The following STAG2 variants were observed in gnomAD, a reference collection of about 807,000 sequenced individuals.
STAG2 encodes the protein cohesin subunit SA-2.
A neutral mutation model predicts 108.1 loss-of-function variants in STAG2; 14 were observed. The observed-to-expected ratio is 0.13, with a 90% CI of 0.09 to 0.20. STAG2 has a LOEUF of 0.20. STAG2 is among the 10% of genes least tolerant of loss of function. STAG2 has a pLI of 1.00. For missense variants in STAG2, 440 were observed against 940.9 expected (o/e 0.47, Z 6.96); for synonymous variants, 307 against 302.7 (o/e 1.01, Z -0.15).
chrX:124,028,824 T>TA (rs1569507053), intron 4 of STAG2, among the ~76,000 whole-genome samples: 197 of 65,646 alleles, frequency 3.0e-3, no homozygotes, highest in South Asian at 0.011. Flanking sequence ...ATATATATAT[T>TA]TTTTTTTTTA....
chrX:124,059,807 C>T (rs887030270), intron 15 of STAG2, among the ~76,000 whole-genome samples: 4 of 110,831 alleles, frequency 3.6e-5, no homozygotes, highest in Non-Finnish European at 5.7e-5. Context: ...ACTACAACTT[C>T]GTGCCACCAC....
At chrX:124,069,162 C>T (rs1021851665) in intron 24 of STAG2, among the ~76,000 whole-genome samples, 1 of 112,002 alleles carries the variant, frequency 8.9e-6, no homozygotes, top group Non-Finnish European at 1.9e-5. Context: ...GCTTCCATTA[C>T]TTCTAACCTT....
At chrX:124,029,007 A>ATT (rs1240569221) in intron 4 of STAG2, among the ~76,000 whole-genome samples, 180 of 96,603 alleles carry the variant, frequency 1.9e-3, no homozygotes, top group Middle Eastern at 0.01. Flanking sequence ...ATATATATAT[A>ATT]TATATATTTA....
intron 14 of STAG2, among the ~76,000 whole-genome samples, chrX:124,057,215 G>A (rs1158981707): frequency 1.8e-5 from 2 of 112,167 alleles, no homozygotes; most frequent in Non-Finnish European, 3.8e-5. Flanking sequence ...TCTGTTCACA[G>A]AAAACAAAGA....
At chrX:123,960,943 G>T (rs1438704846), upstream of STAG2, 1 of 112,146 alleles carries the variant, frequency 8.9e-6, no homozygotes, top group Non-Finnish European at 1.9e-5. Flanking sequence ...CCACCGTGAG[G>T]TGTGTATGAT....
chrX:123,968,385 C>T (rs907853915), intron 1 of STAG2, among the ~76,000 whole-genome samples: 7 of 112,102 alleles, frequency 6.2e-5, no homozygotes, highest in Non-Finnish European at 1.3e-4. Context: ...GTTGGCTGGG[C>T]GTGGTGACTC....
intron 14 of STAG2, among the ~76,000 whole-genome samples, chrX:124,057,453 G>C (rs182304860): frequency 1.2e-3 from 139 of 112,240 alleles, no homozygotes; most frequent in African/African-American, 4.0e-3. Flanking sequence ...AGGACAGTAA[G>C]TTGGGGTAAT....
chrX:124,071,427 A>G, intron 25 of STAG2, 104 bp downstream of exon 25: 1 of 637,871 alleles, frequency 1.6e-6, no homozygotes, highest in Non-Finnish European at 2.3e-6. Context: ...TATCCTTAAA[A>G]ACGTGAAACA....
intron 10 of STAG2, 30 bp downstream of exon 10, chrX:124,049,108 G>A: frequency 9.3e-7 from 1 of 1,071,372 alleles, no homozygotes; most frequent in African/African-American, 1.8e-5. Context: ...TTCATAAATA[G>A]CATTATGTAA....
intron 33 of STAG2, 68 bp downstream of exon 33, chrX:124,094,212 TTAGAG>T (rs2059324699): frequency 9.3e-7 from 1 of 1,074,371 alleles, no homozygotes. Flanking sequence ...TGGATATTTA[TTAGAG>T]TAGAGAAATA....
intron 30 of STAG2, among the ~76,000 whole-genome samples, chrX:124,089,530 T>C (rs2059200067): frequency 9.0e-6 from 1 of 111,479 alleles, no homozygotes; most frequent in Non-Finnish European, 1.9e-5. Flanking sequence ...ATTGCTTCCA[T>C]CCCTGTTGCC....
chrX:124,080,874 C>T (rs1458024831), intron 27 of STAG2, among the ~76,000 whole-genome samples: 4 of 111,979 alleles, frequency 3.6e-5, no homozygotes, highest in African/African-American at 9.7e-5. Context: ...GGTTTTTTTA[C>T]AAGTTTTGTT....
chrX:124,054,037 A>G (rs1241807932), intron 13 of STAG2, among the ~76,000 whole-genome samples: 3 of 112,267 alleles, frequency 2.7e-5, no homozygotes, highest in Admixed American at 9.4e-5. Flanking sequence ...AGTGTTTGGT[A>G]ATTACACTAT....
At chrX:123,972,866 C>CAAAAAAAAAAAAAAAA (rs747333406) in intron 1 of STAG2, among the ~76,000 whole-genome samples, 3 of 21,927 alleles carry the variant, frequency 1.4e-4, no homozygotes, top group Admixed American at 8.9e-4. Flanking sequence ...ACCAAAAATA[C>CAAAAAAAAAAAAAAAA]AAAAAAAAAA....
intron 1 of STAG2, among the ~76,000 whole-genome samples, chrX:123,971,640 A>G (rs1207170664): frequency 9.0e-6 from 1 of 111,026 alleles, no homozygotes; most frequent in Non-Finnish European, 1.9e-5. Context: ...GACTGAGGTG[A>G]TTATATTGTC....
At position 124,068,656 on chromosome X, in the gene STAG2, G is replaced by A; in HGVS notation, c.2358G>A (p.Gln786=). Residue 786 remains glutamine, a splice_region_variant and synonymous_variant, in exon 24 of 35, where the codon CAG becomes CAA. Coordinates refer to ENST00000371145, the MANE Select transcript of STAG2 (RefSeq NM_001042750.2). ...ACGTGAATACTACTGTTAAGGAACAGGTTAGTAATTACTATAGATGGTAAT... is the reference window on the plus strand; with the variant it reads ...ACGTGAATACTACTGTTAAGGAACAAGTTAGTAATTACTATAGATGGTAAT... ...LTNVNTTVKE[Q]AFTILCDILM... is the part of the protein sequence containing the mutation. 8.8e-7 allele frequency: 1 copy of A among 1,134,378 alleles called. No individual in the cohort carries two copies. The highest frequency in any genetic ancestry group is 1.2e-6 in the Non-Finnish European group (1 of 843,840). The allele number at this position is 1,134,378 out of a possible 1,213,427, so 93.5% of individuals were successfully genotyped here.
intron 15 of STAG2, among the ~76,000 whole-genome samples, chrX:124,060,124 G>A (rs958756175): frequency 4.5e-5 from 5 of 111,590 alleles, no homozygotes; most frequent in African/African-American, 1.6e-4. Flanking sequence ...AGTAGGGTTT[G>A]TTTTTTGTTG....
chrX:124,088,998 C>G (rs963191503), intron 30 of STAG2, among the ~76,000 whole-genome samples: 18 of 104,414 alleles, frequency 1.7e-4, no homozygotes, highest in African/African-American at 5.7e-4. Flanking sequence ...TCACTGCAAC[C>G]TCCACCTCCC....
intron 1 of STAG2, among the ~76,000 whole-genome samples, chrX:123,989,607 CTTT>C (rs754131782): frequency 2.1e-5 from 2 of 96,761 alleles, no homozygotes. Context: ...TTTTTTCTTT[CTTT>C]TTTTTTTTTT....
Sources: allele counts gnomAD v4.1 joint callset (sites outside exome capture counted in the v4.1 genomes callset), GRCh38; gene constraint gnomAD v4.1.1; transcripts MANE v1.5; gene names NCBI Gene and HGNC (gene_info 2026-07-23, HGNC 2026-07-21).